Variants in CCDC201 observed in about 807,000 individuals in gnomAD.
CCDC201 encodes the protein coiled-coil domain containing 201, also known as coiled-coil domain-containing protein 201.
chr7:45,874,851 A>G (rs1003201928), upstream of CCDC201, among the ~76,000 whole-genome samples: 1 of 152,236 alleles, frequency 6.6e-6, no homozygotes, highest in African/African-American at 2.4e-5. Context: ...GTGTGAATGT[A>G]TGATACACTT....
the CCDC201 span, among the ~76,000 whole-genome samples, chr7:45,883,194 GGC>G: frequency 6.6e-6 from 1 of 152,050 alleles, no homozygotes; most frequent in Non-Finnish European, 1.5e-5. Context: ...ATGGGCATGG[GGC>G]ACCTATTGGT....
At chr7:45,880,736 G>A in the CCDC201 span, among the ~76,000 whole-genome samples, 1 of 152,260 alleles carries the variant, frequency 6.6e-6, no homozygotes, top group African/African-American at 2.4e-5. Flanking sequence ...TTGCCGCCGT[G>A]TTGTAATTGG....
chr7:45,876,559 C>A (rs1249514502), upstream of CCDC201, among the ~76,000 whole-genome samples: 1 of 152,192 alleles, frequency 6.6e-6, no homozygotes, highest in Non-Finnish European at 1.5e-5. Context: ...GTTGCCCTGA[C>A]CTCTTGACTT....
upstream of CCDC201, among the ~76,000 whole-genome samples, chr7:45,876,048 G>A (rs1443630445): frequency 6.6e-6 from 1 of 152,192 alleles, no homozygotes; most frequent in Non-Finnish European, 1.5e-5. Flanking sequence ...GGAATTAAGG[G>A]TCAGACCTTA....
At chr7:45,868,270 T>C (rs1786701645) in intron 1 of CCDC201, among the ~76,000 whole-genome samples, 1 of 152,268 alleles carries the variant, frequency 6.6e-6, no homozygotes, top group East Asian at 1.9e-4. Context: ...CTCCAGGGGC[T>C]AGTTGAGTGT....
chr7:45,884,545 C>T, the CCDC201 span, among the ~76,000 whole-genome samples: 58 of 152,276 alleles, frequency 3.8e-4, 1 homozygote, highest in African/African-American at 1.3e-3. Flanking sequence ...CCTGCCACTC[C>T]CTGCCTGTTA....
chr7:45,865,150 G>A lies in CCDC201; in HGVS notation c.477+886C>T, dbSNP rs188916543. On this transcript the variant is annotated intron_variant, in intron 2 of 2. Transcript: ENST00000636578. ...AGGAAGCTACTAGAACAAGGCCAGA[G>A]GATAAACCAGGAAATGGGCGAGGAG... 3.0e-3 allele frequency among the ~76,000 whole-genome samples: 462 copies of A among 152,318 alleles called. 2 individuals carry two copies. The highest frequency in any genetic ancestry group is 0.011 in the African/African-American group (446 of 41,574).
the CCDC201 span, among the ~76,000 whole-genome samples, chr7:45,878,167 G>C: frequency 6.6e-6 from 1 of 152,194 alleles, no homozygotes; most frequent in Admixed American, 6.5e-5. Flanking sequence ...TTCCCCTGTG[G>C]GACTGCAGGG....
chr7:45,866,932 G>A (rs951010590), intron 1 of CCDC201, among the ~76,000 whole-genome samples: 6 of 152,162 alleles, frequency 3.9e-5, no homozygotes, highest in African/African-American at 1.2e-4. Context: ...AACAGGTGAA[G>A]CACACTGGGC....
At chr7:45,860,235 G>A (rs1190110991) in exon 3 of CCDC201, 2 of 152,158 alleles carry the variant, frequency 1.3e-5, no homozygotes, top group Non-Finnish European at 2.9e-5. Context: ...TTAAGGGTAG[G>A]GGAGATTACA....
the CCDC201 span, among the ~76,000 whole-genome samples, chr7:45,881,296 A>T: frequency 1.7e-3 from 253 of 152,232 alleles, 1 homozygote; most frequent in African/African-American, 5.9e-3. Context: ...TGCAGCAATG[A>T]TAGCTCTGCC....
At chr7:45,866,188 C>A in exon 2 of CCDC201, 1 of 181,900 alleles carries the variant, frequency 5.5e-6, no homozygotes. Context: ...GTTAAGGAGG[C>A]TGATGTGGGC....
the CCDC201 span, among the ~76,000 whole-genome samples, chr7:45,881,340 C>T: frequency 3.6e-3 from 551 of 152,298 alleles, 2 homozygotes; most frequent in Admixed American, 9.1e-3. Flanking sequence ...GTCCATTACC[C>T]TAATCTCTCA....
chr7:45,864,273 G>A (rs905601132), intron 2 of CCDC201, among the ~76,000 whole-genome samples: 2 of 152,152 alleles, frequency 1.3e-5, no homozygotes, highest in African/African-American at 2.4e-5. Flanking sequence ...AGGCTCAGCT[G>A]GGGGCCGCTG....
upstream of CCDC201, among the ~76,000 whole-genome samples, chr7:45,877,347 C>T (rs937528233): frequency 6.6e-6 from 1 of 152,102 alleles, no homozygotes; most frequent in South Asian, 2.1e-4. Flanking sequence ...TCTTTTGACC[C>T]CAGGATGTAA....
upstream of CCDC201, among the ~76,000 whole-genome samples, chr7:45,874,706 T>C (rs6980174): frequency 0.082 from 12,480 of 152,234 alleles, 919 homozygotes; most frequent in African/African-American, 0.19. Flanking sequence ...CAGAGAGCCA[T>C]CCCAACTTGC....
intron 2 of CCDC201, among the ~76,000 whole-genome samples, chr7:45,863,682 A>G (rs1363894965): frequency 6.6e-6 from 1 of 152,144 alleles, no homozygotes; most frequent in African/African-American, 2.4e-5. Flanking sequence ...GCCAGGATGG[A>G]GTAGAGACTG....
chr7:45,870,135 C>T (rs2116523356), intron 1 of CCDC201, among the ~76,000 whole-genome samples: 1 of 152,278 alleles, frequency 6.6e-6, no homozygotes, highest in East Asian at 1.9e-4. Flanking sequence ...ACATTCTTAC[C>T]CACATTTGGC....
At chr7:45,873,920 C>CTTTTTTTTTTT (rs201948561), upstream of CCDC201, among the ~76,000 whole-genome samples, 2 of 121,406 alleles carry the variant, frequency 1.6e-5, no homozygotes, top group African/African-American at 3.4e-5. Flanking sequence ...CATTTACTTA[C>CTTTTTTTTTTT]TTTTTTTTTT....
Sources: allele counts gnomAD v4.1 joint callset (sites outside exome capture counted in the v4.1 genomes callset), GRCh38; gene constraint gnomAD v4.1.1; transcripts MANE v1.5; gene names NCBI Gene and HGNC (gene_info 2026-07-23, HGNC 2026-07-21).